Variants in ZNF236 observed in about 807,000 individuals in gnomAD.
ZNF236 encodes the protein regulated by glucose.
A neutral mutation model predicts 191.2 loss-of-function variants in ZNF236; 50 were observed. The ratio of observed to expected loss-of-function variants is 0.26; its 90% confidence interval spans 0.21 to 0.33. ZNF236 has a LOEUF of 0.33. Among genes scored for constraint, ZNF236 ranks in the 10% least tolerant of loss-of-function variants. The pLI, the probability that ZNF236 is intolerant of heterozygous loss-of-function variation, is 1.00. For missense variants in ZNF236, 1,754 were observed against 2,374.5 expected (o/e 0.74, Z 5.43); for synonymous variants, 907 against 928.8 (o/e 0.98, Z 0.43).
At position 76,956,232 on chromosome 18, in the gene ZNF236, G is replaced by A. The variant is rs1312352599; in HGVS notation, c.5112+50G>A. The stretch of plus-strand genomic sequence containing the variant: ...GCTGTGTGCCCCCCAGGCGGCTAGA[G>A]ATGCGGAGTCCAAGATTTAACACTG... On this transcript the variant is annotated intron_variant, in intron 28 of 30. Coordinates refer to ENST00000320610, the MANE Select transcript of ZNF236 (RefSeq NM_001306089.2). The A allele has an allele frequency of 6.5e-6, 10 of 1,533,454 alleles. No homozygotes were observed. In the South Asian group the frequency reaches 1.2e-4, roughly 18 times the overall value. 95.0% of individuals were successfully genotyped at this position (1,533,454 alleles called of 1,614,324 possible).
Position 76,927,477 on chromosome 18 carries a change from G to A in ZNF236, c.4374G>A (p.Pro1458=), listed in dbSNP as rs117481741. 21,853 of 1,614,074 alleles carry A rather than the reference G, an allele frequency of 0.014. 188 individuals are homozygous for A. The highest frequency in any genetic ancestry group is 0.017 in the South Asian group (1,515 of 91,074). ...TVTSANLTIG[P]LSEQDSVLTT... ...CCTCTGCGAACCTGACCATAGGCCC[G>A]CTGTCTGAGCAGGATTCAGTGCTGA... The change falls in exon 24 of 31, where the codon CCG becomes CCA. Residue 1458 remains proline (P), a synonymous_variant. Transcript: ENST00000320610. The surrounding 1 kb of genome is among the most constrained non-coding windows in gnomAD (Gnocchi z 5.4).
chr18:76,830,124 C>T (rs147483327), intron 1 of ZNF236, among the ~76,000 whole-genome samples: 169 of 152,294 alleles, frequency 1.1e-3, no homozygotes, highest in African/African-American at 3.7e-3. Context: ...CCACCTCGGC[C>T]TCCCAAAGTG....
intron 18 of ZNF236, 138 bp from the exon 19 acceptor site, chr18:76,915,509 T>G: frequency 1.3e-6 from 1 of 786,632 alleles, no homozygotes; most frequent in Non-Finnish European, 2.0e-6. Context: ...TTTTTTTTTT[T>G]TTTAACCAAA....
At chr18:76,858,060 T>G (rs952392701) in intron 3 of ZNF236, among the ~76,000 whole-genome samples, 3 of 151,980 alleles carry the variant, frequency 2.0e-5, no homozygotes, top group African/African-American at 7.3e-5. Context: ...GCGATGCATT[T>G]GTGTGTGTTA....
chr18:76,823,034 G>A (rs1289091198), intron 1 of ZNF236, among the ~76,000 whole-genome samples: 1 of 149,432 alleles, frequency 6.7e-6, no homozygotes, highest in Non-Finnish European at 1.5e-5. Context: ...CCGTCCCGGG[G>A]CCGGAGGGCC....
intron 26 of ZNF236, among the ~76,000 whole-genome samples, chr18:76,941,685 T>G (rs933993911): frequency 6.6e-6 from 1 of 152,164 alleles, no homozygotes; most frequent in African/African-American, 2.4e-5. Context: ...TCCAGATACA[T>G]TAGTGTTTCT....
At chr18:76,887,361 G>A (rs974330101) in intron 9 of ZNF236, 2 of 148,880 alleles carry the variant, frequency 1.3e-5, no homozygotes, top group Non-Finnish European at 3.0e-5. Flanking sequence ...GACAGAGTGA[G>A]ACTCCATGTC....
intron 17 of ZNF236, 27 bp from the exon 18 acceptor site, chr18:76,913,720 T>C (rs376937941): frequency 8.7e-6 from 14 of 1,609,384 alleles, no homozygotes; most frequent in Non-Finnish European, 1.1e-5. Context: ...ATTAACGTGG[T>C]CTGAGTTCTG....
chr18:76,947,836 G>T (rs572249682), intron 27 of ZNF236, among the ~76,000 whole-genome samples, 184 bp downstream of exon 27: 1 of 152,064 alleles, frequency 6.6e-6, no homozygotes, highest in Admixed American at 6.6e-5. Context: ...TTGAATGACA[G>T]GTACGATATC....
chr18:76,864,893 A>G (rs1976362657), intron 3 of ZNF236, among the ~76,000 whole-genome samples: 2 of 152,092 alleles, frequency 1.3e-5, no homozygotes, highest in South Asian at 2.1e-4. Flanking sequence ...TACTACTAAT[A>G]AATCAAAATG....
At chr18:76,853,301 A>T (rs1204310235) in intron 3 of ZNF236, among the ~76,000 whole-genome samples, 2 of 150,988 alleles carry the variant, frequency 1.3e-5, no homozygotes, top group East Asian at 3.9e-4. Flanking sequence ...CTGGTCTTGA[A>T]CTCCTGACCT....
chr18:76,915,308 A>C (rs1486301348), intron 18 of ZNF236, among the ~76,000 whole-genome samples: 1 of 152,158 alleles, frequency 6.6e-6, no homozygotes, highest in Non-Finnish European at 1.5e-5. Context: ...ACATGTTGCC[A>C]GTTTAAATGT....
chr18:76,862,886 G>A (rs538708896), intron 3 of ZNF236, among the ~76,000 whole-genome samples: 1 of 152,324 alleles, frequency 6.6e-6, no homozygotes, highest in East Asian at 1.9e-4. Flanking sequence ...CTGGAACAAG[G>A]AAAGAGCGGT....
rs1361537942 is a variant in ZNF236, at chr18:76,972,460, C to G, written c.*4121C>G. On this transcript the variant is annotated 3_prime_UTR_variant, in exon 31 of 31. Coordinates refer to ENST00000320610, the MANE Select transcript of ZNF236 (RefSeq NM_001306089.2). ...ACTCACCCACACACTCACCCTCACA[C>G]TCACCCACACACCCTCACACTCACC... 6.6e-6 allele frequency among the ~76,000 whole-genome samples: 1 copy of G among 152,002 alleles called. No homozygotes were observed. Among genetic ancestry groups the G allele is most frequent in the Non-Finnish European group, 1.5e-5 (1 of 67,982 alleles).
chr18:76,960,627 G>C lies in ZNF236; in HGVS notation c.5243-52G>C. The C allele has an allele frequency of 6.2e-7, 1 of 1,603,382 alleles. No individual in the cohort carries two copies. Among genetic ancestry groups the C allele is most frequent in the Non-Finnish European group, 8.5e-7 (1 of 1,171,046 alleles). Reference sequence around the variant, plus strand: ...GTTCATACCTCAGGGTAGAGCCCAGGCATCCACTATACTTTTCTTAGAGAC... The same window carrying C: ...GTTCATACCTCAGGGTAGAGCCCAGCCATCCACTATACTTTTCTTAGAGAC... On this transcript the variant is annotated intron_variant, in intron 29 of 30. Coordinates refer to ENST00000320610, the MANE Select transcript of ZNF236 (RefSeq NM_001306089.2). The surrounding 1 kb of genome is among the most constrained non-coding windows in gnomAD (Gnocchi z 4.4).
chr18:76,901,738 A>G (rs1364093526), intron 11 of ZNF236, among the ~76,000 whole-genome samples: 1 of 152,192 alleles, frequency 6.6e-6, no homozygotes, highest in Non-Finnish European at 1.5e-5. Context: ...AGCCTGGGGA[A>G]CAACAGTGAA....
chr18:76,841,905 G>T (rs1284791215), intron 1 of ZNF236, among the ~76,000 whole-genome samples: 1 of 152,078 alleles, frequency 6.6e-6, no homozygotes. Flanking sequence ...TGCCATGTTG[G>T]CCAGGTTGGT....
chr18:76,861,807 G>A (rs547059887), intron 3 of ZNF236, among the ~76,000 whole-genome samples: 3 of 152,280 alleles, frequency 2.0e-5, no homozygotes, highest in Admixed American at 6.5e-5. Context: ...AGGCATCAGA[G>A]GTGGCGGACG....
At chr18:76,846,475 C>T (rs921469996) in intron 1 of ZNF236, among the ~76,000 whole-genome samples, 1 of 152,128 alleles carries the variant, frequency 6.6e-6, no homozygotes, top group Admixed American at 6.5e-5. Flanking sequence ...TTCCACAGAG[C>T]GAAGGGAACT....
Sources: allele counts gnomAD v4.1 joint callset (sites outside exome capture counted in the v4.1 genomes callset), GRCh38; gene constraint gnomAD v4.1.1; non-coding constraint Gnocchi (gnomAD v3.1); transcripts MANE v1.5; gene names NCBI Gene and HGNC (gene_info 2026-07-23, HGNC 2026-07-21).